Variants in ZNF532 observed in about 807,000 individuals in gnomAD.
ZNF532 encodes the protein zinc finger protein 532.
In ZNF532, 22 loss-of-function variants were observed where a neutral mutation model predicts 89.3. The observed-to-expected ratio is 0.25, with a 90% CI of 0.18 to 0.35. The LOEUF is 0.35. ZNF532 is among the 10% of genes least tolerant of loss of function. The pLI is 1.00. For missense variants in ZNF532, 1,132 were observed against 1,643.4 expected, an observed-to-expected ratio of 0.69 and a Z score of 5.38; for synonymous variants, 606 against 649.6, an observed-to-expected ratio of 0.93 and a Z score of 1.02.
intron 3 of ZNF532, 102 bp downstream of exon 3, chr18:58,920,735 CGTGTGTGTGTG>C (rs1463966241): frequency 7.1e-6 from 3 of 421,432 alleles, no homozygotes; most frequent in African/African-American, 5.6e-5. Context: ...GTGAAATGGA[CGTGTGTGTGTG>C]TGTGTGTGTG....
Position 58,984,638 on chromosome 18 carries a change from A to G in ZNF532, c.*172A>G, listed in dbSNP as rs566482847. The G allele has an allele frequency of 1.1e-4, 81 of 720,538 alleles. No homozygotes were observed. The highest frequency in any genetic ancestry group is 3.1e-4 in the Admixed American group (10 of 32,364). 44.6% of individuals were successfully genotyped at this position (720,538 alleles called of 1,614,324 possible). A position where few individuals can be genotyped will look rare whatever the true frequency, so the allele number is the denominator to read the frequency against. ...GTATATATCCTCGATAAGTATTAAA[A>G]CAGTATTTGAGTTTAAAAGAGTTTG... On this transcript the variant is annotated 3_prime_UTR_variant, in exon 10 of 10. Transcript: ENST00000591808.
At chr18:58,941,705 G>C (rs1273998831) in intron 5 of ZNF532, among the ~76,000 whole-genome samples, 1 of 151,988 alleles carries the variant, frequency 6.6e-6, no homozygotes, top group Non-Finnish European at 1.5e-5. Context: ...TTGGGCTCAA[G>C]CAGTCCTCTC....
At chr18:58,870,747 G>A (rs1331416330) in intron 2 of ZNF532, among the ~76,000 whole-genome samples, 4 of 152,142 alleles carry the variant, frequency 2.6e-5, no homozygotes, top group Non-Finnish European at 5.9e-5. Context: ...GGTGGGGGCT[G>A]CTTCAGGGGC....
intron 2 of ZNF532, among the ~76,000 whole-genome samples, chr18:58,879,134 G>A (rs1410604463): frequency 6.6e-6 from 1 of 152,212 alleles, no homozygotes; most frequent in African/African-American, 2.4e-5. Context: ...TGGCCAGTGG[G>A]GTTGTGAGGC....
At chr18:58,978,849 T>C (rs910805278) in intron 7 of ZNF532, among the ~76,000 whole-genome samples, 3 of 152,204 alleles carry the variant, frequency 2.0e-5, no homozygotes, top group African/African-American at 7.2e-5. Context: ...AAAATAATTT[T>C]AATTTTGTGC....
At chr18:58,916,837 A>T in intron 2 of ZNF532, 2 of 598,518 alleles carry the variant, frequency 3.3e-6, no homozygotes, top group Non-Finnish European at 4.2e-6. Context: ...TGACCCTGGA[A>T]TAGTTACTTT....
chr18:58,908,565 C>T (rs2060088081), intron 2 of ZNF532, among the ~76,000 whole-genome samples: 1 of 152,160 alleles, frequency 6.6e-6, no homozygotes, highest in Non-Finnish European at 1.5e-5. Context: ...AAGTGAAATA[C>T]AGTAAGGCAT....
At chr18:58,879,376 A>G (rs187222014) in intron 2 of ZNF532, among the ~76,000 whole-genome samples, 6 of 152,318 alleles carry the variant, frequency 3.9e-5, no homozygotes, top group Admixed American at 3.9e-4. Context: ...CTGGCGGCAA[A>G]AAGACAATGC....
chr18:58,981,168 G>C (rs1026206789), intron 8 of ZNF532: 1 of 326,740 alleles, frequency 3.1e-6, no homozygotes, highest in Non-Finnish European at 5.7e-6. Flanking sequence ...GCACAAAGGA[G>C]TCAAGGAGGG....
chr18:58,915,117 A>G (rs958716692), intron 2 of ZNF532, among the ~76,000 whole-genome samples: 5 of 152,228 alleles, frequency 3.3e-5, no homozygotes, highest in East Asian at 1.9e-4. Context: ...AAACATTCCT[A>G]TAAACCAAAA....
intron 2 of ZNF532, among the ~76,000 whole-genome samples, chr18:58,911,113 A>C (rs1210628138): frequency 6.6e-6 from 1 of 152,226 alleles, no homozygotes; most frequent in Non-Finnish European, 1.5e-5. Context: ...TGGGAGGAGC[A>C]GGATATGTCC....
chr18:58,935,096 A>ACTCCTCCTCCTCCCCC (rs2062273105), intron 4 of ZNF532, among the ~76,000 whole-genome samples: 4 of 22,338 alleles, frequency 1.8e-4, no homozygotes, highest in African/African-American at 2.0e-4. Context: ...CCTCCTCCCC[A>ACTCCTCCTCCTCCCCC]CTCCTCCTCC....
At chr18:58,951,742 C>T (rs982445898) in intron 6 of ZNF532, among the ~76,000 whole-genome samples, 4 of 149,516 alleles carry the variant, frequency 2.7e-5, no homozygotes, top group Non-Finnish European at 4.4e-5. Context: ...CTCCGCCTCC[C>T]GGGTTCATGC....
chr18:58,981,160 A>G, intron 8 of ZNF532: 1 of 314,112 alleles, frequency 3.2e-6, no homozygotes, highest in Non-Finnish European at 5.9e-6. Flanking sequence ...TAACAGCAGC[A>G]CAAAGGAGTC....
At chr18:58,888,741 T>TATATAA (rs1226823500) in intron 2 of ZNF532, among the ~76,000 whole-genome samples, 1 of 30,444 alleles carries the variant, frequency 3.3e-5, no homozygotes, top group Non-Finnish European at 5.0e-5. Context: ...TATATATATA[T>TATATAA]TTTATATATA....
At position 58,919,297 on chromosome 18, in the gene ZNF532, G is replaced by C; in HGVS notation, c.1010G>C (p.Ser337Thr). 1 of 1,614,180 alleles carries C rather than the reference G, an allele frequency of 6.2e-7. No individual in the cohort carries two copies. Among genetic ancestry groups the C allele is most frequent in the Non-Finnish European group, 8.5e-7 (1 of 1,180,024 alleles). ...CTGAAGCAACCGGATAGTCCCAGAA[G>C]CATCTCAAGTGAGAACAGCAGCAAA... Reference protein sequence around the residue: ...PSLKQPDSPRSISSENSSKGS... With the variant: ...PSLKQPDSPRTISSENSSKGS... The change falls in exon 3 of 10, where the codon AGC (serine) becomes ACC (threonine). Residue 337 changes from serine (S) to threonine (T), a missense_variant. Physicochemically the swap from Ser to Thr is moderately conservative, Grantham distance 58. This residue lies in a region of ZNF532 where 124 missense variants were observed against 191.6 expected (regional missense o/e 0.65). Transcript: ENST00000591808. The surrounding 1 kb of genome is among the most constrained non-coding windows in gnomAD (Gnocchi z 6.1).
intron 6 of ZNF532, 48 bp from the exon 7 acceptor site, chr18:58,953,470 T>C (rs1218329360): frequency 6.5e-7 from 1 of 1,534,414 alleles, no homozygotes; most frequent in South Asian, 1.2e-5. Flanking sequence ...GTGCTTTCTT[T>C]TAGTGTTGTG....
chr18:58,976,427 C>A (rs184265234), intron 7 of ZNF532, among the ~76,000 whole-genome samples: 1 of 152,108 alleles, frequency 6.6e-6, no homozygotes, highest in Non-Finnish European at 1.5e-5. Flanking sequence ...AATAGGAAAT[C>A]GAATTTTCCT....
intron 2 of ZNF532, among the ~76,000 whole-genome samples, chr18:58,877,799 G>A (rs1363305204): frequency 2.6e-5 from 4 of 152,200 alleles, no homozygotes; most frequent in African/African-American, 9.7e-5. Context: ...ATAGGGACAA[G>A]GTTGGGTGTG....
Sources: gnomAD v4.1 joint callset for allele counts (sites outside exome capture counted in the v4.1 genomes callset) on GRCh38, gnomAD v4.1.1 for gene constraint, gnomAD v4.1.1 regional missense constraint, Gnocchi (gnomAD v3.1) non-coding constraint, MANE v1.5 for transcripts, NCBI Gene and HGNC (gene_info 2026-07-23, HGNC 2026-07-21) for gene names.